Variants in DOK5 observed in about 807,000 individuals in gnomAD.
DOK5 encodes the protein downstream of tyrosine kinase 5.
In DOK5, 27 loss-of-function variants were observed where a neutral mutation model predicts 43.3. The observed-to-expected ratio is 0.62, with a 90% CI of 0.46 to 0.86. The LOEUF (loss-of-function observed/expected upper bound fraction) is 0.86, where lower values mean the gene tolerates loss of function less well. Ranked by LOEUF, DOK5 falls within the 40% of genes least tolerant of loss-of-function variation. The pLI is 0.00. For missense variants in DOK5, 373 were observed against 392.9 expected, an observed-to-expected ratio of 0.95 and a Z score of 0.43; for synonymous variants, 146 against 140.1, an observed-to-expected ratio of 1.04 and a Z score of -0.30.
chr20:54,557,607 T>C (rs1027926292), intron 2 of DOK5, among the ~76,000 whole-genome samples: 2 of 152,184 alleles, frequency 1.3e-5, no homozygotes, highest in African/African-American at 4.8e-5. Flanking sequence ...CCCACCTTCC[T>C]CTTCTCCAGG....
intron 2 of DOK5, among the ~76,000 whole-genome samples, chr20:54,570,743 C>A (rs1985256958): frequency 6.6e-6 from 1 of 151,990 alleles, no homozygotes; most frequent in South Asian, 2.1e-4. Context: ...CAGGAATATG[C>A]CAGTTCCTGA....
chr20:54,495,396 G>T (rs781225180), intron 1 of DOK5, among the ~76,000 whole-genome samples: 1 of 152,156 alleles, frequency 6.6e-6, no homozygotes, highest in African/African-American at 2.4e-5. Context: ...TTTTGTCTGT[G>T]GGATTGATTC....
chr20:54,646,626 A>C (rs959325062), intron 7 of DOK5, among the ~76,000 whole-genome samples: 7 of 152,170 alleles, frequency 4.6e-5, no homozygotes, highest in African/African-American at 1.7e-4. Flanking sequence ...AGAGTACCTA[A>C]AATTATCTTG....
chr20:54,531,984 A>G (rs1266998565), intron 1 of DOK5, among the ~76,000 whole-genome samples: 1 of 152,194 alleles, frequency 6.6e-6, no homozygotes, highest in Non-Finnish European at 1.5e-5. Flanking sequence ...GGGGCCTCTC[A>G]TGTAATTGAT....
At chr20:54,643,254 G>C (rs1297019288) in intron 6 of DOK5, among the ~76,000 whole-genome samples, 3 of 152,204 alleles carry the variant, frequency 2.0e-5, no homozygotes, top group African/African-American at 2.4e-5. Flanking sequence ...TCAAGGCACT[G>C]TTGCCAGCAG....
chr20:54,634,253 C>T (rs560395519), intron 6 of DOK5, among the ~76,000 whole-genome samples: 4 of 136,354 alleles, frequency 2.9e-5, no homozygotes, highest in South Asian at 2.4e-4. Flanking sequence ...CCTTCACTCA[C>T]TGTGAGTATT....
chr20:54,533,004 T>C (rs1983831542), intron 1 of DOK5, among the ~76,000 whole-genome samples: 1 of 152,256 alleles, frequency 6.6e-6, no homozygotes, highest in Admixed American at 6.5e-5. Context: ...ACGTGACAAG[T>C]ACTTTGGTTG....
chr20:54,586,386 A>T (rs1985803564), intron 2 of DOK5, among the ~76,000 whole-genome samples: 1 of 152,160 alleles, frequency 6.6e-6, no homozygotes, highest in African/African-American at 2.4e-5. Flanking sequence ...TTCCCTGGAG[A>T]AAAGAAGCAG....
intron 1 of DOK5, among the ~76,000 whole-genome samples, chr20:54,523,508 G>C (rs1232904355): frequency 2.6e-5 from 4 of 152,184 alleles, no homozygotes; most frequent in African/African-American, 4.8e-5. Context: ...AGAGGTTGCA[G>C]TGAGCCAAGA....
At chr20:54,619,929 T>C (rs941361979) in intron 6 of DOK5, among the ~76,000 whole-genome samples, 1 of 152,212 alleles carries the variant, frequency 6.6e-6, no homozygotes, top group African/African-American at 2.4e-5. Context: ...TGGAGTTTTA[T>C]GTGTGTAAAC....
intron 6 of DOK5, among the ~76,000 whole-genome samples, chr20:54,625,002 T>G (rs1600746862): frequency 6.6e-6 from 1 of 150,654 alleles, no homozygotes; most frequent in Admixed American, 6.6e-5. Context: ...CTTACCCACA[T>G]TTTTTTTTCT....
chr20:54,555,115 C>A (rs1984666368), intron 2 of DOK5, 75 bp downstream of exon 2: 1 of 990,286 alleles, frequency 1.0e-6, no homozygotes, highest in Non-Finnish European at 1.6e-6. Context: ...TGAAAACTTG[C>A]CTGAATTATT....
At chr20:54,546,865 G>A (rs1984366027) in intron 1 of DOK5, among the ~76,000 whole-genome samples, 1 of 152,154 alleles carries the variant, frequency 6.6e-6, no homozygotes, top group Non-Finnish European at 1.5e-5. Flanking sequence ...CCCCAATGGT[G>A]GACAGGGAGA....
chr20:54,556,346 A>G (rs913437849), intron 2 of DOK5, among the ~76,000 whole-genome samples: 1 of 152,206 alleles, frequency 6.6e-6, no homozygotes, highest in Non-Finnish European at 1.5e-5. Context: ...GACACTGTTC[A>G]AATATATATA....
At chr20:54,512,177 A>G (rs1983037139) in intron 1 of DOK5, among the ~76,000 whole-genome samples, 1 of 152,230 alleles carries the variant, frequency 6.6e-6, no homozygotes, top group African/African-American at 2.4e-5. Flanking sequence ...ATGAATGTGG[A>G]GACATCTGCT....
intron 1 of DOK5, among the ~76,000 whole-genome samples, chr20:54,526,645 T>C (rs1219426694): frequency 6.6e-6 from 1 of 152,208 alleles, no homozygotes; most frequent in East Asian, 1.9e-4. Flanking sequence ...GTCCAATTTC[T>C]AGAAGTTCCC....
At chr20:54,497,596 T>C (rs948041511) in intron 1 of DOK5, among the ~76,000 whole-genome samples, 5 of 152,204 alleles carry the variant, frequency 3.3e-5, no homozygotes, top group Non-Finnish European at 7.3e-5. Context: ...TGTAGAAAAT[T>C]GTCCTGACAT....
At chr20:54,614,005 C>CAT (rs1190559809) in intron 6 of DOK5, among the ~76,000 whole-genome samples, 3 of 149,262 alleles carry the variant, frequency 2.0e-5, no homozygotes, top group Admixed American at 6.7e-5. Context: ...AATATATATA[C>CAT]ATATATATAT....
chr20:54,531,755 A>G (rs1471288576), intron 1 of DOK5, among the ~76,000 whole-genome samples: 1 of 152,190 alleles, frequency 6.6e-6, no homozygotes, highest in Non-Finnish European at 1.5e-5. Context: ...GATGTTATGT[A>G]TTCTTTAAGT....
Sources: allele counts gnomAD v4.1 joint callset (sites outside exome capture counted in the v4.1 genomes callset), GRCh38; gene constraint gnomAD v4.1.1; transcripts MANE v1.5; gene names NCBI Gene and HGNC (gene_info 2026-07-23, HGNC 2026-07-21).